The following SERPINB7 variants were observed in gnomAD, a reference collection of about 807,000 sequenced individuals.
SERPINB7 encodes serpin family B member 7.
Under a neutral mutation model 37.4 loss-of-function variants are expected in SERPINB7, and 31 were observed. The observed-to-expected ratio is 0.83, with a 90% CI of 0.62 to 1.12. The LOEUF (loss-of-function observed/expected upper bound fraction) is 1.12. Among genes scored for constraint, SERPINB7 ranks in the 50% most tolerant of loss-of-function variants. The pLI is 0.00. For synonymous variants in SERPINB7, 163 were observed against 166.1 expected (o/e 0.98, Z 0.14); for missense variants, 521 against 455.3 (o/e 1.14, Z -1.31).
At chr18:63,771,104 T>A (rs973137965), upstream of SERPINB7, among the ~76,000 whole-genome samples, 2 of 151,922 alleles carry the variant, frequency 1.3e-5, no homozygotes, top group South Asian at 4.1e-4. Flanking sequence ...AATGTGAACA[T>A]GTACAAGAAA....
chr18:63,782,954 C>G (rs1720850), intron 2 of SERPINB7, among the ~76,000 whole-genome samples: 1 of 151,212 alleles, frequency 6.6e-6, no homozygotes, highest in African/African-American at 2.4e-5. Flanking sequence ...CTGGCTAACA[C>G]GGTGAAACCC....
intron 7 of SERPINB7, among the ~76,000 whole-genome samples, chr18:63,801,370 C>T (rs918237183): frequency 6.6e-6 from 1 of 152,080 alleles, no homozygotes; most frequent in African/African-American, 2.4e-5. Flanking sequence ...CATCTTTAGG[C>T]AGGTATGATA....
At chr18:63,802,935 A>G (rs1034996609) in intron 7 of SERPINB7, among the ~76,000 whole-genome samples, 3 of 152,232 alleles carry the variant, frequency 2.0e-5, no homozygotes, top group African/African-American at 7.2e-5. Flanking sequence ...AAGTATGACC[A>G]TATAAAATAT....
chr18:63,778,047 C>T (rs191820605), intron 1 of SERPINB7: 1 of 152,194 alleles, frequency 6.6e-6, no homozygotes, highest in East Asian at 1.9e-4. Context: ...TACAGCTTGT[C>T]TATGACTGAT....
chr18:63,798,990 G>A (rs2049519242), intron 6 of SERPINB7, among the ~76,000 whole-genome samples: 1 of 152,156 alleles, frequency 6.6e-6, no homozygotes, highest in Non-Finnish European at 1.5e-5. Context: ...ATTCAAAATT[G>A]AAAGAAGTGG....
intron 1 of SERPINB7, among the ~76,000 whole-genome samples, chr18:63,768,081 G>A (rs1264835857): frequency 1.3e-5 from 2 of 151,980 alleles, no homozygotes; most frequent in Non-Finnish European, 2.9e-5. Flanking sequence ...AGTCTCGTTA[G>A]GGGTTAAATC....
At chr18:63,790,310 C>A (rs1470250765) in intron 2 of SERPINB7, among the ~76,000 whole-genome samples, 1 of 152,140 alleles carries the variant, frequency 6.6e-6, no homozygotes, top group East Asian at 1.9e-4. Context: ...GGGGCAAGTG[C>A]TGAAAAGTTC....
At position 63,804,434 on chromosome 18, in the gene SERPINB7, T is replaced by C. The variant is rs2049584771; in HGVS notation, c.942T>C (p.Gly314=). ...KADLSGIASG[G]RLYISRMMHK... ...ATCTCTCTGGGATTGCTTCGGGGGGTCGTCTGTATATATCAAGGATGATGC... is the reference window on the plus strand; with the variant it reads ...ATCTCTCTGGGATTGCTTCGGGGGGCCGTCTGTATATATCAAGGATGATGC... Residue 314 remains glycine, a synonymous_variant, in exon 8 of 8, where the codon GGT becomes GGC. Coordinates refer to ENST00000398019, the MANE Select transcript of SERPINB7 (RefSeq NM_003784.4). The C allele has an allele frequency of 6.2e-7, 1 of 1,613,276 alleles. No homozygotes were observed. Among genetic ancestry groups the C allele is most frequent in the African/African-American group, 1.3e-5 (1 of 74,792 alleles).
intron 1 of SERPINB7, among the ~76,000 whole-genome samples, chr18:63,762,564 AG>A (rs1229227835): frequency 6.6e-6 from 1 of 152,206 alleles, no homozygotes; most frequent in East Asian, 1.9e-4. Flanking sequence ...TTCTAGCTGC[AG>A]GCACAGTCAG....
chr18:63,798,782 T>A (rs1568214540), intron 6 of SERPINB7, 36 bp downstream of exon 6: 1 of 1,600,878 alleles, frequency 6.2e-7, no homozygotes, highest in African/African-American at 1.3e-5. Context: ...TTAGAACTTT[T>A]CCACAATCGT....
Position 63,798,362 on chromosome 18 carries a change from A to T in SERPINB7, c.455-242A>T, listed in dbSNP as rs184140564. ...ATCTCTTTGTGCCTTAGCTTCCTCA[A>T]CAGGAAATGGAAACAATAATAGTGC... is the stretch of plus-strand genomic sequence containing the variant. On this transcript the variant is annotated intron_variant, in intron 5 of 7. Coordinates refer to ENST00000398019, the MANE Select transcript of SERPINB7 (RefSeq NM_003784.4). Among the ~76,000 whole-genome samples, 33 of 152,248 alleles carry T rather than the reference A, an allele frequency of 2.2e-4. 1 individual carries two copies. The highest frequency in any genetic ancestry group is 6.5e-4 in the Admixed American group (10 of 15,286).
intron 1 of SERPINB7, among the ~76,000 whole-genome samples, chr18:63,769,253 TTTC>T (rs1197165562): frequency 8.7e-6 from 1 of 114,842 alleles, no homozygotes; most frequent in African/African-American, 2.7e-5. Flanking sequence ...TCTCTAAAAG[TTTC>T]TTTATTTTTT....
chr18:63,760,892 G>A (rs2049149674), intron 1 of SERPINB7, among the ~76,000 whole-genome samples: 1 of 152,258 alleles, frequency 6.6e-6, no homozygotes, highest in Admixed American at 6.5e-5. Context: ...TGCTGTAGGA[G>A]TGGTCCTCTC....
chr18:63,801,251 A>T (rs909707707), intron 7 of SERPINB7, among the ~76,000 whole-genome samples: 1 of 151,920 alleles, frequency 6.6e-6, no homozygotes, highest in African/African-American at 2.4e-5. Flanking sequence ...TCAAATTGGA[A>T]CTCTCTCAAA....
chr18:63,774,494 T>C (rs1417793976), upstream of SERPINB7, among the ~76,000 whole-genome samples: 1 of 152,108 alleles, frequency 6.6e-6, no homozygotes, highest in Non-Finnish European at 1.5e-5. Flanking sequence ...CTCATGATGC[T>C]ACGGCCAGAA....
At chr18:63,762,897 T>C (rs1317205252) in intron 1 of SERPINB7, among the ~76,000 whole-genome samples, 1 of 152,198 alleles carries the variant, frequency 6.6e-6, no homozygotes, top group East Asian at 1.9e-4. Flanking sequence ...TATTTTAAAG[T>C]AAACATTAAA....
chr18:63,754,696 G>A (rs538376091), intron 1 of SERPINB7, among the ~76,000 whole-genome samples: 1 of 152,200 alleles, frequency 6.6e-6, no homozygotes, highest in African/African-American at 2.4e-5. Context: ...TGGAGTTTCA[G>A]CATCATTTCC....
chr18:63,782,221 TAG>T (rs2049307395), intron 1 of SERPINB7, 132 bp from the exon 2 acceptor site: 2 of 490,350 alleles, frequency 4.1e-6, no homozygotes, highest in South Asian at 1.7e-4. Context: ...CCCTTTTTGT[TAG>T]AGTTATTTGA....
intron 1 of SERPINB7, among the ~76,000 whole-genome samples, chr18:63,754,039 C>G (rs1462668406): frequency 6.6e-6 from 1 of 152,168 alleles, no homozygotes; most frequent in Non-Finnish European, 1.5e-5. Context: ...GAAATGGTAA[C>G]AGCAGAACAT....
Sources: allele counts gnomAD v4.1 joint callset (sites outside exome capture counted in the v4.1 genomes callset), GRCh38; gene constraint gnomAD v4.1.1; transcripts MANE v1.5; gene names NCBI Gene and HGNC (gene_info 2026-07-23, HGNC 2026-07-21).